Variants in PCDHGA6 observed in about 807,000 individuals in gnomAD.
The protein encoded by PCDHGA6 is protocadherin gamma subfamily A, 6.
Under a neutral mutation model 60.6 loss-of-function variants are expected in PCDHGA6, and 41 were observed. The ratio of observed to expected loss-of-function variants is 0.68; its 90% CI spans 0.53 to 0.88. The LOEUF (loss-of-function observed/expected upper bound fraction) is 0.88, where lower values mean the gene tolerates loss of function less well. Among genes scored for constraint, PCDHGA6 ranks in the 40% least tolerant of loss-of-function variants. PCDHGA6 has a pLI of 0.00. For synonymous variants in PCDHGA6, 594 were observed against 524.4 expected, an observed-to-expected ratio of 1.13 and a Z score of -1.81; for missense variants, 1,312 against 1,203.0, an observed-to-expected ratio of 1.09 and a Z score of -1.34.
intron 1 of PCDHGA6, among the ~76,000 whole-genome samples, chr5:141,459,534 T>G (rs980917458): frequency 1.3e-5 from 2 of 151,990 alleles, no homozygotes; most frequent in African/African-American, 2.4e-5. Flanking sequence ...TGTAGGCATA[T>G]TTTTTTTATT....
intron 1 of PCDHGA6, chr5:141,405,444 G>C: frequency 7.2e-7 from 1 of 1,379,466 alleles, no homozygotes; most frequent in Non-Finnish European, 1.0e-6. Flanking sequence ...TTTTGAGACA[G>C]AGTCTTACTC....
At chr5:141,445,855 T>C (rs1432695384) in intron 1 of PCDHGA6, among the ~76,000 whole-genome samples, 1 of 152,222 alleles carries the variant, frequency 6.6e-6, no homozygotes, top group Non-Finnish European at 1.5e-5. Flanking sequence ...CTTAAAATTC[T>C]GGATTTTGTT....
chr5:141,419,742 T>G (rs1388509503), intron 1 of PCDHGA6: 3 of 1,613,742 alleles, frequency 1.9e-6, no homozygotes, highest in Non-Finnish European at 2.5e-6. Flanking sequence ...GAGGTGCGCA[T>G]GGTGCGTGCT....
At chr5:141,509,106 A>T (rs1159119530) in intron 3 of PCDHGA6, among the ~76,000 whole-genome samples, 1 of 152,102 alleles carries the variant, frequency 6.6e-6, no homozygotes, top group Non-Finnish European at 1.5e-5. Flanking sequence ...TAGAAACCTG[A>T]GCGCTGGTGC....
rs1048758308 is a variant in PCDHGA6 at position 141,498,931 on chromosome 5, A to T, written c.2483+4066A>T. Among the ~76,000 whole-genome samples the T allele has an allele frequency of 6.2e-4, 88 of 141,764 alleles. 1 individual carries two copies. Among genetic ancestry groups the T allele is most frequent in the Non-Finnish European group, 1.1e-3 (70 of 64,686 alleles). 93.0% of individuals were successfully genotyped at this position (141,764 alleles called of 152,430 possible). On this transcript the variant is annotated intron_variant, in intron 2 of 3. Coordinates refer to ENST00000517434, the MANE Select transcript of PCDHGA6 (RefSeq NM_018919.3). ...CTGGGTGACAGAGCGAGACTCCATC[A>T]GGAAAGAAAGAAAGAAAAAGAGAGA... is the stretch of plus-strand genomic sequence containing the variant.
At chr5:141,392,833 G>A (rs750632906) in intron 1 of PCDHGA6, 39 of 1,604,260 alleles carry the variant, frequency 2.4e-5, no homozygotes, top group Non-Finnish European at 2.8e-5. Context: ...CCACAGAGTC[G>A]CCCCAGACGC....
chr5:141,493,140 C>T lies in PCDHGA6; in HGVS notation c.2425-1667C>T, dbSNP rs2099746336. Among the ~76,000 whole-genome samples, 1 of 146,374 alleles carries T rather than the reference C, an allele frequency of 6.8e-6. No homozygotes were observed. Among genetic ancestry groups the T allele is most frequent in the African/African-American group, 2.5e-5 (1 of 40,746 alleles). ...GCTCCTAGGACTGTATTTTGAAACACCCCCAGGTGATTTTGATAGCTGATT... is the reference window on the plus strand; with the variant it reads ...GCTCCTAGGACTGTATTTTGAAACATCCCCAGGTGATTTTGATAGCTGATT... On this transcript the variant is annotated intron_variant, in intron 1 of 3. Transcript: ENST00000517434. This position sits in a 1 kb window ranked among gnomAD's most constrained non-coding sequence, Gnocchi z 4.3.
chr5:141,490,346 TG>T lies in PCDHGA6; in HGVS notation c.2425-4457del, dbSNP rs1458588422. ...GAGAGCACACCAGTGGGCACAGTAG[TG>T]GGGTTGTTTAATGTGCGAGACCGGG... On this transcript the variant is annotated intron_variant, in intron 1 of 3. Coordinates refer to ENST00000517434, the MANE Select transcript of PCDHGA6 (RefSeq NM_018919.3). The surrounding 1 kb of genome is among the most constrained non-coding windows in gnomAD (Gnocchi z 5.4). 1.2e-6 allele frequency: 2 copies of T among 1,614,164 alleles called. No individual in the cohort carries two copies. The highest frequency in any genetic ancestry group is 3.3e-5 in the Admixed American group (2 of 60,032).
At chr5:141,388,824 T>A in intron 1 of PCDHGA6, 1 of 1,613,960 alleles carries the variant, frequency 6.2e-7, no homozygotes, top group Non-Finnish European at 8.5e-7. Flanking sequence ...CAAAGAATAT[T>A]CCATAGTTTT....
intron 1 of PCDHGA6, chr5:141,388,084 G>A (rs2091232719): frequency 7.3e-7 from 1 of 1,364,538 alleles, no homozygotes; most frequent in Admixed American, 2.0e-5. Context: ...CGAAAACTGC[G>A]CGTCAGTTCG....
chr5:141,399,975 G>A (rs2093929990), intron 1 of PCDHGA6: 2 of 1,612,126 alleles, frequency 1.2e-6, no homozygotes, highest in East Asian at 2.2e-5. Flanking sequence ...TCAGCCTGGG[G>A]CTGCGCACAG....
chr5:141,460,981 GTGTATATATA>G (rs1332002052), intron 1 of PCDHGA6, among the ~76,000 whole-genome samples: 6 of 121,884 alleles, frequency 4.9e-5, no homozygotes, highest in Non-Finnish European at 1.0e-4. Flanking sequence ...GTGTGTGTGT[GTGTATATATA>G]TATATGTGTA....
intron 1 of PCDHGA6, among the ~76,000 whole-genome samples, chr5:141,482,089 C>CAA (rs36035257): frequency 1.0e-3 from 137 of 134,516 alleles, no homozygotes; most frequent in African/African-American, 1.5e-3. Context: ...CACTCCATCT[C>CAA]AAAAAAAAAA....
intron 1 of PCDHGA6, chr5:141,423,090 G>GT (rs2096707772): frequency 2.5e-6 from 4 of 1,613,904 alleles, no homozygotes; most frequent in African/African-American, 2.7e-5. Flanking sequence ...TCGCGGTGGG[G>GT]GAGCACACGG....
intron 1 of PCDHGA6, among the ~76,000 whole-genome samples, chr5:141,451,032 A>G: frequency 6.6e-6 from 1 of 150,486 alleles, no homozygotes; most frequent in Non-Finnish European, 1.5e-5. Context: ...GTTTCACCAT[A>G]TTGGCCAGGC....
At chr5:141,427,450 C>A in intron 1 of PCDHGA6, 1 of 486,442 alleles carries the variant, frequency 2.1e-6, no homozygotes, top group Non-Finnish European at 4.0e-6. Context: ...GAAAGAGTTC[C>A]TTTTAGAATC....
In PCDHGA6 at chr5:141,476,299, C is replaced by G; in HGVS notation, c.2425-18508C>G. On this transcript the variant is annotated intron_variant, in intron 1 of 3. Transcript: ENST00000517434. This position sits in a 1 kb window ranked among gnomAD's most constrained non-coding sequence, Gnocchi z 7.6. The stretch of plus-strand genomic sequence containing the variant: ...ACCTTGGTTTGGATCTCGGTAGCCT[C>G]TCAGCCCGCAGGTTCCGGGTGGTGT... The G allele has an allele frequency of 6.2e-7, 1 of 1,614,100 alleles. No individual in the cohort carries two copies. The highest frequency in any genetic ancestry group is 8.5e-7 in the Non-Finnish European group (1 of 1,180,014).
intron 3 of PCDHGA6, among the ~76,000 whole-genome samples, chr5:141,507,582 T>G (rs1221383898): frequency 6.6e-6 from 1 of 152,264 alleles, no homozygotes; most frequent in Non-Finnish European, 1.5e-5. Flanking sequence ...AGATGCCAAG[T>G]TGGCCTCTTG....
chr5:141,432,374 C>T lies in PCDHGA6; in HGVS notation c.2424+55867C>T. The T allele has an allele frequency of 6.2e-7, 1 of 1,614,240 alleles. No individual in the cohort carries two copies. The highest frequency in any genetic ancestry group is 1.1e-5 in the South Asian group (1 of 91,082). ...GAAAGTGATGGCGCGGGACAACGGG[C>T]ACCCGCCCCTCAGCAGCAACGTGTC... On this transcript the variant is annotated intron_variant, in intron 1 of 3. Transcript: ENST00000517434. The surrounding 1 kb of genome is among the most constrained non-coding windows in gnomAD (Gnocchi z 6.0).
Sources: gnomAD v4.1 joint callset for allele counts (sites outside exome capture counted in the v4.1 genomes callset) on GRCh38, gnomAD v4.1.1 for gene constraint, Gnocchi (gnomAD v3.1) non-coding constraint, MANE v1.5 for transcripts, NCBI Gene and HGNC (gene_info 2026-07-23, HGNC 2026-07-21) for gene names.